The following OSBPL2 variants were observed in gnomAD, a reference collection of about 807,000 sequenced individuals.
OSBPL2 encodes oxysterol-binding protein-related protein 2.
Under a neutral mutation model 58.4 loss-of-function variants are expected in OSBPL2, and 18 were observed. The ratio of observed to expected loss-of-function variants is 0.31; its 90% CI spans 0.21 to 0.46. The LOEUF is 0.46. Ranked by LOEUF, OSBPL2 falls within the 20% of genes least tolerant of loss-of-function variation. OSBPL2 has a pLI of 1.00. For missense variants in OSBPL2, 461 were observed against 616.5 expected (o/e 0.75, Z 2.67); for synonymous variants, 221 against 234.1 (o/e 0.94, Z 0.51).
chr20:62,276,073 G>C (rs1463257246), intron 6 of OSBPL2, among the ~76,000 whole-genome samples: 1 of 151,998 alleles, frequency 6.6e-6, no homozygotes, highest in Non-Finnish European at 1.5e-5. Flanking sequence ...CACGCCACCA[G>C]GCCCGGCTAA....
chr20:62,281,922 T>C, intron 9 of OSBPL2, 43 bp downstream of exon 9: 1 of 1,357,776 alleles, frequency 7.4e-7, no homozygotes, highest in Admixed American at 1.7e-5. Flanking sequence ...CTACAGCCTG[T>C]GTGTCCACGT....
intron 6 of OSBPL2, among the ~76,000 whole-genome samples, chr20:62,275,912 A>ATTTT (rs11472724): frequency 4.2e-5 from 6 of 143,218 alleles, no homozygotes; most frequent in Non-Finnish European, 7.5e-5. Context: ...ATGATTGAGA[A>ATTTT]TTTTTTTTTT....
intron 1 of OSBPL2, among the ~76,000 whole-genome samples, chr20:62,240,403 A>G (rs2145906656): frequency 6.6e-6 from 1 of 152,302 alleles, no homozygotes; most frequent in South Asian, 2.1e-4. Flanking sequence ...AGACGATAAT[A>G]TTTAATAATG....
chr20:62,248,717 G>T (rs1980322784), intron 1 of OSBPL2, among the ~76,000 whole-genome samples: 1 of 148,352 alleles, frequency 6.7e-6, no homozygotes, highest in Non-Finnish European at 1.5e-5. Flanking sequence ...AAGAGACAGG[G>T]TCTTGTTCTG....
rs1982098444 is a variant in OSBPL2 at position 62,272,067 on chromosome 20, G to A, written c.259-58G>A. 4 of 1,598,922 alleles carry A rather than the reference G, an allele frequency of 2.5e-6. No individual in the cohort carries two copies. In the Admixed American group the frequency reaches 5.0e-5, roughly 20 times the overall value. On this transcript the variant is annotated intron_variant, in intron 4 of 13. Coordinates refer to ENST00000313733, the MANE Select transcript of OSBPL2 (RefSeq NM_144498.4). ...GGGATGCTCAGAGCAGGGGCATCGG[G>A]CAGCCCAGCGGTGTCAGGAAGGCAG...
At chr20:62,260,372 GC>G (rs2145933113) in intron 3 of OSBPL2, among the ~76,000 whole-genome samples, 1 of 152,286 alleles carries the variant, frequency 6.6e-6, no homozygotes, top group South Asian at 2.1e-4. Context: ...TCTAAGAAAT[GC>G]CTCTGTTCCC....
chr20:62,245,390 G>T (rs1160285864), intron 1 of OSBPL2, among the ~76,000 whole-genome samples: 3 of 152,212 alleles, frequency 2.0e-5, no homozygotes, highest in Non-Finnish European at 2.9e-5. Context: ...ACCGCGCCCG[G>T]CCTGAAACCT....
At chr20:62,290,411 G>GGTT (rs1555854397) in intron 12 of OSBPL2, among the ~76,000 whole-genome samples, 2 of 76,376 alleles carry the variant, frequency 2.6e-5, no homozygotes, top group South Asian at 6.1e-4. Context: ...AATTTTTTGG[G>GGTT]TTTTTTTTTT....
chr20:62,244,485 A>G lies in OSBPL2; in HGVS notation c.-129+5888A>G, dbSNP rs754867786. On this transcript the variant is annotated intron_variant, in intron 1 of 13. Coordinates refer to ENST00000313733, the MANE Select transcript of OSBPL2 (RefSeq NM_144498.4). ...GAGCTGTGGGGCATGCGCCCTGTCC[A>G]TTGCCTTCCCACCCAGTCTCGTGGG... 3.9e-5 allele frequency among the ~76,000 whole-genome samples: 6 copies of G among 151,936 alleles called. No individual in the cohort carries two copies. In the East Asian group the frequency reaches 5.8e-4, roughly 15 times the overall value.
At position 62,272,194 on chromosome 20, in the gene OSBPL2, T is replaced by C; in HGVS notation, c.328T>C (p.Tyr110His). The change falls in exon 5 of 14, where the codon TAC becomes CAC. Residue 110 changes from tyrosine to histidine, a missense_variant. Physicochemically the swap from Tyr to His is moderately conservative, Grantham distance 83. This residue lies in a region of OSBPL2 where 38 missense variants were observed against 74.2 expected (regional missense o/e 0.51). Coordinates refer to ENST00000313733, the MANE Select transcript of OSBPL2 (RefSeq NM_144498.4). ...PLSFLQRITEYMEHVYLIHRA... is the reference protein window; with the variant it reads ...PLSFLQRITEHMEHVYLIHRA... ...GAGCTTCTTGCAGCGGATCACGGAG[T>C]ACATGGAGCACGTGTACCTCATCCA... is the stretch of plus-strand genomic sequence containing the variant. 1 of 1,613,590 alleles carries C rather than the reference T, an allele frequency of 6.2e-7. No homozygotes were observed.
intron 1 of OSBPL2, among the ~76,000 whole-genome samples, chr20:62,253,450 C>T (rs369665034): frequency 1.3e-5 from 2 of 152,206 alleles, no homozygotes; most frequent in Non-Finnish European, 2.9e-5. Context: ...CAGATTGTCT[C>T]CTCTTTCTTG....
chr20:62,257,266 G>A (rs1268729919), intron 2 of OSBPL2, among the ~76,000 whole-genome samples: 1 of 152,104 alleles, frequency 6.6e-6, no homozygotes, highest in Non-Finnish European at 1.5e-5. Context: ...TGGCGCCTCC[G>A]GTCCGTGGCC....
Position 62,289,298 on chromosome 20 carries a change from C to T in OSBPL2, c.1217C>T (p.Pro406Leu), listed in dbSNP as rs1201053144. The stretch of plus-strand genomic sequence containing the variant: ...CCACCCACGGACTGCCGCCTGCGCC[C>T]TGACATCCGCGGCATGGAGAATGGC... ...TLPPTDCRLR[P>L]DIRGMENGNM... Residue 406 changes from proline (P) to leucine (L), a missense_variant, in exon 12 of 14, where the codon CCT becomes CTT. Pro to Leu is a moderately conservative substitution (Grantham distance 98). This residue lies in a region of OSBPL2 where 319 missense variants were observed against 419.2 expected (regional missense o/e 0.76). Transcript: ENST00000313733. 6.2e-7 allele frequency: 1 copy of T among 1,613,254 alleles called. No homozygotes were observed. The highest frequency in any genetic ancestry group is 1.7e-4 in the Middle Eastern group (1 of 6,060).
At chr20:62,291,848 C>T in intron 13 of OSBPL2, 55 bp downstream of exon 13, 1 of 1,531,334 alleles carries the variant, frequency 6.5e-7, no homozygotes, top group African/African-American at 1.4e-5. Context: ...CCACACACAC[C>T]TGGGGACGGC....
At chr20:62,274,763 C>T (rs555147889) in intron 6 of OSBPL2, among the ~76,000 whole-genome samples, 2 of 152,370 alleles carry the variant, frequency 1.3e-5, no homozygotes, top group East Asian at 3.9e-4. Flanking sequence ...GTCTGCTGTG[C>T]AGAATGCAAG....
At chr20:62,291,628 A>G (rs1469890321) in intron 12 of OSBPL2, 75 bp from the exon 13 acceptor site, 3 of 1,193,750 alleles carry the variant, frequency 2.5e-6, no homozygotes, top group Non-Finnish European at 3.7e-6. Flanking sequence ...CCAACTAGAG[A>G]TCTAGGTGCA....
intron 10 of OSBPL2, chr20:62,285,059 A>G (rs1004258297): frequency 2.0e-5 from 3 of 152,156 alleles, no homozygotes; most frequent in Non-Finnish European, 2.9e-5. Flanking sequence ...GAGGTGTCCT[A>G]TTTTCTACAT....
chr20:62,265,885 G>A (rs1981629634), intron 4 of OSBPL2, among the ~76,000 whole-genome samples: 1 of 152,192 alleles, frequency 6.6e-6, no homozygotes, highest in Non-Finnish European at 1.5e-5. Context: ...CAGGAAAGCT[G>A]AGGGAAGAGG....
chr20:62,284,260 C>T, intron 10 of OSBPL2, 91 bp downstream of exon 10: 1 of 1,521,610 alleles, frequency 6.6e-7, no homozygotes, highest in Non-Finnish European at 9.1e-7. Context: ...GTTGGGGTCC[C>T]AGGGAACCTT....
Sources: gnomAD v4.1 joint callset for allele counts (sites outside exome capture counted in the v4.1 genomes callset) on GRCh38, gnomAD v4.1.1 for gene constraint, gnomAD v4.1.1 regional missense constraint, MANE v1.5 for transcripts, NCBI Gene and HGNC (gene_info 2026-07-23, HGNC 2026-07-21) for gene names.